GGT1: variants seen among roughly 807,000 people sequenced by gnomAD.
GGT1 encodes gamma-glutamyltransferase 1.
In GGT1, 21 loss-of-function variants were observed where a neutral mutation model predicts 56.0. The ratio of observed to expected loss-of-function variants is 0.38; its 90% CI spans 0.27 to 0.54. The LOEUF (loss-of-function observed/expected upper bound fraction) is 0.54, where lower values mean the gene tolerates loss of function less well. Ranked by LOEUF, GGT1 falls within the 20% of genes least tolerant of loss-of-function variation. The pLI is 0.82. For missense variants in GGT1, 466 were observed against 787.0 expected (o/e 0.59, Z 4.88); for synonymous variants, 238 against 342.6 (o/e 0.69, Z 3.37).
chr22:24,586,778 G>A, the GGT1 span, among the ~76,000 whole-genome samples: 466 of 152,290 alleles, frequency 3.1e-3, no homozygotes, highest in Non-Finnish European at 5.2e-3. Context: ...TGATCTGACC[G>A]CCTCAGCCTC....
intron 5 of GGT1, among the ~76,000 whole-genome samples, 153 bp from the exon 6 acceptor site, chr22:24,614,614 CAAAAAAAAA>C (rs4049879): frequency 2.9e-5 from 2 of 68,626 alleles, no homozygotes; most frequent in Admixed American, 3.4e-4. Context: ...GACTCCATCT[CAAAAAAAAA>C]AAAAAAAAGA....
chr22:24,583,771 G>A, the GGT1 span: 173 of 471,048 alleles, frequency 3.7e-4, no homozygotes, highest in Non-Finnish European at 6.2e-4. Context: ...CCCAGAGATT[G>A]CCTGGAACAC....
the GGT1 span, chr22:24,588,490 C>T: frequency 3.2e-5 from 24 of 757,620 alleles, no homozygotes; most frequent in Middle Eastern, 7.7e-4. Context: ...CCCCCCAACC[C>T]GGCTGTGGCC....
Position 24,614,939 on chromosome 22 carries a change from C to T in GGT1, c.295+33C>T, listed in dbSNP as rs369656241. 5 of 1,567,968 alleles carry T rather than the reference C, an allele frequency of 3.2e-6. No individual in the cohort carries two copies. In the South Asian group the frequency reaches 3.3e-5, roughly 10 times the overall value. On this transcript the variant is annotated intron_variant, in intron 6 of 15. Coordinates refer to ENST00000400382, the MANE Select transcript of GGT1 (RefSeq NM_001288833.2). ...CCTCGGGAGAGGAGAGGGAGAGGGG[C>T]AGGGGGTGTGGGTTGGGCCGAGGCA...
At chr22:24,586,006 G>A in the GGT1 span, 2 of 1,610,872 alleles carry the variant, frequency 1.2e-6, no homozygotes, top group African/African-American at 2.7e-5. Context: ...GGCCCTCGTA[G>A]ATGGTGGGGA....
chr22:24,585,444 C>A, the GGT1 span, among the ~76,000 whole-genome samples: 1 of 152,252 alleles, frequency 6.6e-6, no homozygotes, highest in Non-Finnish European at 1.5e-5. Context: ...TCTAACTCTC[C>A]AGCCCACAGG....
intron 1 of GGT1, among the ~76,000 whole-genome samples, chr22:24,597,086 G>T (rs1464604332): frequency 8.0e-5 from 12 of 150,868 alleles, no homozygotes; most frequent in Admixed American, 7.9e-4. Flanking sequence ...AGGTTCAAGC[G>T]ATTCTCCTGC....
At chr22:24,608,872 T>C (rs1441487233) in intron 2 of GGT1, 5 of 152,270 alleles carry the variant, frequency 3.3e-5, no homozygotes, top group African/African-American at 1.2e-4. Flanking sequence ...TTGGCCAGGC[T>C]GTTCTCAAAC....
chr22:24,594,292 G>A (rs1029070891), upstream of GGT1, among the ~76,000 whole-genome samples: 1 of 152,130 alleles, frequency 6.6e-6, no homozygotes, highest in African/African-American at 2.4e-5. Flanking sequence ...TAAGCAAGGA[G>A]CACGTGTTTA....
chr22:24,616,153 G>A (rs1601713455), intron 7 of GGT1, among the ~76,000 whole-genome samples: 1 of 150,592 alleles, frequency 6.6e-6, no homozygotes, highest in Non-Finnish European at 1.5e-5. Context: ...ACAGGCTCAC[G>A]CCTGTAATCC....
At chr22:24,588,089 C>T in the GGT1 span, 4 of 732,512 alleles carry the variant, frequency 5.5e-6, no homozygotes, top group African/African-American at 3.5e-5. Context: ...GGCCCTCATG[C>T]GGACCAGGTG....
intron 11 of GGT1, among the ~76,000 whole-genome samples, chr22:24,625,818 C>T (rs1022197482): frequency 3.3e-4 from 50 of 150,742 alleles, no homozygotes; most frequent in Non-Finnish European, 5.8e-4. Context: ...CATGAGCCAC[C>T]GTGCCTGGCC....
chr22:24,589,609 G>C, the GGT1 span: 4 of 605,922 alleles, frequency 6.6e-6, no homozygotes, highest in Non-Finnish European at 1.1e-5. Flanking sequence ...AGGACTCTGA[G>C]GGTCCTGCAA....
rs1372867320 is a variant in GGT1 at position 24,609,978 on chromosome 22, G to T, written c.-345G>T. 4.3e-6 allele frequency: 2 copies of T among 465,510 alleles called. No individual in the cohort carries two copies. The highest frequency in any genetic ancestry group is 8.9e-6 in the Non-Finnish European group (2 of 225,396). The allele number at this position is 465,510 out of a possible 1,614,324, so 28.8% of individuals were successfully genotyped here. A position where few individuals can be genotyped will look rare whatever the true frequency, so the allele number is the denominator to read the frequency against. On this transcript the variant is annotated 5_prime_UTR_variant, in exon 3 of 16. Coordinates refer to ENST00000400382, the MANE Select transcript of GGT1 (RefSeq NM_001288833.2). ...CACTCCCAGCAGCAAGGCAAGTGAG[G>T]TGCTGCCGTCATCCAGGCTGGACAG...
rs71318991 is a variant in GGT1 at position 24,627,525 on chromosome 22, G to A, written c.1114G>A (p.Glu372Lys). 0.012 allele frequency: 19,255 copies of A among 1,611,554 alleles called. 87 individuals carry two copies. The highest frequency in any genetic ancestry group is 0.016 in the Middle Eastern group (73 of 4,430). Residue 372 changes from glutamate to lysine, a missense_variant, in exon 12 of 16, where the codon GAG (glutamate) becomes AAG (lysine). Transcript: ENST00000400382. ...TTHPISYYKPEFYTPDDGGTA... is the reference protein window; with the variant it reads ...TTHPISYYKPKFYTPDDGGTA... ...TCACCCGATCTCCTACTACAAGCCCGAGTTCTACACGCCGGATGACGGGGG... is the reference window on the plus strand; with the variant it reads ...TCACCCGATCTCCTACTACAAGCCCAAGTTCTACACGCCGGATGACGGGGG...
intron 1 of GGT1, among the ~76,000 whole-genome samples, chr22:24,596,986 ATTT>A (rs199837761): frequency 7.7e-6 from 1 of 129,826 alleles, no homozygotes; most frequent in Admixed American, 8.3e-5. Flanking sequence ...TTTAATTTTA[ATTT>A]TTTTTTTTTT....
chr22:24,614,701 G>A (rs2046949723), intron 5 of GGT1, 75 bp from the exon 6 acceptor site: 15 of 1,317,640 alleles, frequency 1.1e-5, no homozygotes, highest in Non-Finnish European at 1.5e-5. Context: ...CTTTGGGCAG[G>A]TGGGCAGCAG....
rs1249775996 is a variant in GGT1 at position 24,611,220 on chromosome 22, G to A, written c.139G>A (p.Ala47Thr). ...CACCAGGGCTGCCGTGGCCGCGGATGCCAAGCAGTGCTCGAAGATTGGGAG... is the reference window on the plus strand; with the variant it reads ...CACCAGGGCTGCCGTGGCCGCGGATACCAAGCAGTGCTCGAAGATTGGGAG... ...VYTRAAVAAD[A>T]KQCSKIGRDA... is the part of the protein sequence containing the mutation. The change falls in exon 5 of 16, where the codon GCC becomes ACC. Residue 47 changes from alanine to threonine, a missense_variant. Around this residue, in one of 2 missense-constraint regions of GGT1, gnomAD observed 456 missense variants for 716.7 expected, o/e 0.64. Transcript: ENST00000400382. 5.7e-6 allele frequency: 9 copies of A among 1,567,652 alleles called. No homozygotes were observed. Among genetic ancestry groups the A allele is most frequent in the Admixed American group, 3.7e-5 (2 of 53,362 alleles).
intron 1 of GGT1, among the ~76,000 whole-genome samples, chr22:24,597,409 C>G (rs1487320999): frequency 6.6e-6 from 1 of 152,168 alleles, no homozygotes; most frequent in Non-Finnish European, 1.5e-5. Flanking sequence ...CGTGGTGGCT[C>G]ACACCTATAA....
Sources: allele counts gnomAD v4.1 joint callset (sites outside exome capture counted in the v4.1 genomes callset), GRCh38; gene constraint gnomAD v4.1.1; regional missense constraint gnomAD v4.1.1; transcripts MANE v1.5; gene names NCBI Gene and HGNC (gene_info 2026-07-23, HGNC 2026-07-21).